INPPL1: variants seen among roughly 807,000 people sequenced by gnomAD.
INPPL1 encodes inositol polyphosphate phosphatase like 1.
Under a neutral mutation model 139.3 loss-of-function variants are expected in INPPL1, and 91 were observed. That is an observed-to-expected ratio of 0.65 (90% CI 0.55 to 0.78). The LOEUF (loss-of-function observed/expected upper bound fraction) is 0.78, where lower values mean the gene tolerates loss of function less well. INPPL1 is among the 30% of genes least tolerant of loss of function. INPPL1 has a pLI of 0.00. For missense variants in INPPL1, 1,411 were observed against 1,665.6 expected, an observed-to-expected ratio of 0.85 and a Z score of 2.66; for synonymous variants, 719 against 686.6, an observed-to-expected ratio of 1.05 and a Z score of -0.74.
chr11:72,228,043 A>G lies in INPPL1; in HGVS notation c.183-147A>G. The G allele has an allele frequency of 1.3e-6, 1 of 755,076 alleles. No individual in the cohort carries two copies. The highest frequency in any genetic ancestry group is 2.3e-6 in the Non-Finnish European group (1 of 437,118). 46.8% of individuals were successfully genotyped at this position (755,076 alleles called of 1,614,324 possible). ...AGGGTGGAAGTGGACCGGCCACATC[A>G]TTAACCCTGTGCAGCCTGGGCAGGT... On this transcript the variant is annotated intron_variant, in intron 1 of 27. Transcript: ENST00000298229. The surrounding 1 kb of genome is among the most constrained non-coding windows in gnomAD (Gnocchi z 5.0).
Position 72,233,062 on chromosome 11 carries a change from C to T in INPPL1, c.1952-13C>T, listed in dbSNP as rs766805069. The stretch of plus-strand genomic sequence containing the variant: ...CAGGGCCCTGAACCCCACCTGTCTC[C>T]TGCTTTCCTTAGGTGAGGAGGAGAT... On this transcript the variant is annotated splice_polypyrimidine_tract_variant and intron_variant, in intron 16 of 27. Transcript: ENST00000298229. 6.2e-7 allele frequency: 1 copy of T among 1,613,724 alleles called. No homozygotes were observed. The highest frequency in any genetic ancestry group is 1.1e-5 in the South Asian group (1 of 91,070).
chr11:72,228,177 G>A lies in INPPL1; in HGVS notation c.183-13G>A. Reference sequence around the variant, plus strand: ...CCTGGGGGTGACAGATTCTGGCCCTGCCTTGGCATCAGGTATCAGAAGCAT... The same window carrying A: ...CCTGGGGGTGACAGATTCTGGCCCTACCTTGGCATCAGGTATCAGAAGCAT... On this transcript the variant is annotated splice_polypyrimidine_tract_variant and intron_variant, in intron 1 of 27. Transcript: ENST00000298229. This position sits in a 1 kb window ranked among gnomAD's most constrained non-coding sequence, Gnocchi z 5.0. 1 of 1,614,070 alleles carries A rather than the reference G, an allele frequency of 6.2e-7. No individual in the cohort carries two copies. Among genetic ancestry groups the A allele is most frequent in the Non-Finnish European group, 8.5e-7 (1 of 1,179,958 alleles).
rs933270129 is a variant in INPPL1 at position 72,235,735 on chromosome 11, G to A, written c.2720G>A (p.Arg907Gln). 40 of 1,613,998 alleles carry A rather than the reference G, an allele frequency of 2.5e-5. No individual in the cohort carries two copies. The highest frequency in any genetic ancestry group is 1.6e-4 in the Middle Eastern group (1 of 6,084). ...AAGAGCAAAGCCCCCTCTGTGTCCCGAGGGAGCCAGGAGCCCAGGTGAGCT... is the reference window on the plus strand; with the variant it reads ...AAGAGCAAAGCCCCCTCTGTGTCCCAAGGGAGCCAGGAGCCCAGGTGAGCT... ...GAKSKAPSVS[R>Q]GSQEPRSGSR... Residue 907 changes from arginine to glutamine, a missense_variant, in exon 24 of 28, where the codon CGA becomes CAA. By Grantham distance (43) the Arg-to-Gln change is conservative (BLOSUM62 1). Coordinates refer to ENST00000298229, the MANE Select transcript of INPPL1 (RefSeq NM_001567.4). The surrounding 1 kb of genome is among the most constrained non-coding windows in gnomAD (Gnocchi z 4.9).
At position 72,226,847 on chromosome 11, in the gene INPPL1, A is replaced by G. The variant is rs1287500823; in HGVS notation, c.183-1343A>G. Among the ~76,000 whole-genome samples the G allele has an allele frequency of 7.3e-4, 110 of 151,722 alleles. 1 individual carries two copies. Among genetic ancestry groups the G allele is most frequent in the Non-Finnish European group, 8.8e-5 (6 of 67,912 alleles). ...GGGTCAGCTGTTGAGTGGGAGGGGG[A>G]CAGCTGGGGCCTGTGTCTGGGTGAG... On this transcript the variant is annotated intron_variant, in intron 1 of 27. Coordinates refer to ENST00000298229, the MANE Select transcript of INPPL1 (RefSeq NM_001567.4).
intron 13 of INPPL1, among the ~76,000 whole-genome samples, chr11:72,231,894 A>G (rs1410018880): frequency 6.6e-6 from 1 of 152,178 alleles, no homozygotes; most frequent in Admixed American, 6.5e-5. Flanking sequence ...TGGTGGAGCC[A>G]GGCATTGTGC....
rs369072158 is a variant in INPPL1 at position 72,232,343 on chromosome 11, G to C, written c.1712+7G>C. 5.3e-5 allele frequency: 82 copies of C among 1,550,332 alleles called. No individual in the cohort carries two copies. The highest frequency in any genetic ancestry group is 6.5e-5 in the Non-Finnish European group (74 of 1,145,978). ...GAAATGAGAAGACGGCTCGGTGAGGGGGCGCCTTTCCCATGGTCTCTTTAC... is the reference window on the plus strand; with the variant it reads ...GAAATGAGAAGACGGCTCGGTGAGGCGGCGCCTTTCCCATGGTCTCTTTAC... On this transcript the variant is annotated splice_region_variant and intron_variant, in intron 14 of 27. Transcript: ENST00000298229.
Position 72,236,015 on chromosome 11 carries a change from C to G in INPPL1, c.2879+29C>G, listed in dbSNP as rs199581928. 119 of 1,293,390 alleles carry G rather than the reference C, an allele frequency of 9.2e-5. No individual in the cohort carries two copies. The Admixed American group carries it at 1.4e-3, about 15-fold the overall frequency. The allele number at this position is 1,293,390 out of a possible 1,614,324, so 80.1% of individuals were successfully genotyped here. Reference sequence around the variant, plus strand: ...AGAGGAGGAACCTGTCACCGCCCCCCCTTCCCCCACCCACCTCTATCCATC... The same window carrying G: ...AGAGGAGGAACCTGTCACCGCCCCCGCTTCCCCCACCCACCTCTATCCATC... On this transcript the variant is annotated intron_variant, in intron 25 of 27. Coordinates refer to ENST00000298229, the MANE Select transcript of INPPL1 (RefSeq NM_001567.4).
In INPPL1 at chr11:72,234,436, G is replaced by C. The variant is rs769824512; in HGVS notation, c.2326+42G>C. 1 of 1,597,982 alleles carries C rather than the reference G, an allele frequency of 6.3e-7. No individual in the cohort carries two copies. Among genetic ancestry groups the C allele is most frequent in the Non-Finnish European group, 8.6e-7 (1 of 1,165,432 alleles). On this transcript the variant is annotated intron_variant, in intron 20 of 27. Coordinates refer to ENST00000298229, the MANE Select transcript of INPPL1 (RefSeq NM_001567.4). The surrounding 1 kb of genome is among the most constrained non-coding windows in gnomAD (Gnocchi z 4.2). ...GGGCTGGGTGTGGGCCAAGGAGGAT[G>C]GGAGGCAAGAGGGTGCAGTCAGCCC...
At chr11:72,224,023 A>T (rs1460478379), upstream of INPPL1, 2 of 152,026 alleles carry the variant, frequency 1.3e-5, no homozygotes, top group African/African-American at 4.8e-5. Context: ...CGGGCCAGGG[A>T]TCCTCCTGGC....
intron 26 of INPPL1, 85 bp downstream of exon 26, chr11:72,237,881 C>T (rs1273791625): frequency 2.7e-5 from 40 of 1,479,042 alleles, no homozygotes; most frequent in Non-Finnish European, 3.6e-5. Flanking sequence ...ATTCAGCACT[C>T]ATGGTGTCCC....
chr11:72,238,096 G>T lies in INPPL1; in HGVS notation c.3607G>T (p.Ala1203Ser). The T allele has an allele frequency of 6.3e-7, 1 of 1,582,360 alleles. No individual in the cohort carries two copies. Among genetic ancestry groups the T allele is most frequent in the Non-Finnish European group, 8.6e-7 (1 of 1,163,900 alleles). The change falls in exon 27 of 28, where the codon GCC becomes TCC. Residue 1203 changes from alanine (A) to serine (S), a missense_variant. This residue lies in a region of INPPL1 where 438 missense variants were observed against 425.7 expected (regional missense o/e 1.03). Coordinates refer to ENST00000298229, the MANE Select transcript of INPPL1 (RefSeq NM_001567.4). Reference protein sequence around the residue: ...ASGLGEAGMSAWLRAIGLERY... With the variant: ...ASGLGEAGMSSWLRAIGLERY... ...CGGGCTGGGCGAGGCAGGCATGAGT[G>T]CCTGGCTGCGGGCCATCGGCTTGGA...
In INPPL1 at chr11:72,238,926, G is replaced by T. The variant is rs1949079481; in HGVS notation, c.*573G>T. The T allele has an allele frequency of 6.5e-6, 1 of 152,722 alleles. No individual in the cohort carries two copies. Among genetic ancestry groups the T allele is most frequent in the Admixed American group, 6.5e-5 (1 of 15,280 alleles). The allele number at this position is 152,722 out of a possible 1,614,324, so 9.5% of individuals were successfully genotyped here. On this transcript the variant is annotated 3_prime_UTR_variant, in exon 28 of 28. Coordinates refer to ENST00000298229, the MANE Select transcript of INPPL1 (RefSeq NM_001567.4). The stretch of plus-strand genomic sequence containing the variant: ...GCAGGATCTCAGCCATAAAGTGCCA[G>T]TTTGCTTAGTTCTCACTGTCTCCTG...
At position 72,228,855 on chromosome 11, in the gene INPPL1, C is replaced by A. The variant is rs749317647; in HGVS notation, c.518+8C>A. On this transcript the variant is annotated splice_region_variant and intron_variant, in intron 4 of 27. Coordinates refer to ENST00000298229, the MANE Select transcript of INPPL1 (RefSeq NM_001567.4). The surrounding 1 kb of genome is among the most constrained non-coding windows in gnomAD (Gnocchi z 5.0). ...AGCTCCAGCTGCTGAGAGGTGAGAC[C>A]CCCATCCCATCCACTGAACAGGAGA... 46 of 1,582,208 alleles carry A rather than the reference C, an allele frequency of 2.9e-5. No individual in the cohort carries two copies. The highest frequency in any genetic ancestry group is 3.9e-5 in the Non-Finnish European group (46 of 1,166,398).
intron 10 of INPPL1, 155 bp from the exon 11 acceptor site, chr11:72,230,641 A>G: frequency 2.4e-6 from 2 of 839,194 alleles, no homozygotes; most frequent in Admixed American, 2.2e-5. Flanking sequence ...GGTGGATAAC[A>G]TTTGCCAGCA....
intron 26 of INPPL1, 82 bp downstream of exon 26, chr11:72,237,878 A>G (rs926364379): frequency 1.1e-5 from 17 of 1,482,648 alleles, no homozygotes; most frequent in Non-Finnish European, 1.2e-5. Context: ...ACCATTCAGC[A>G]CTCATGGTGT....
chr11:72,230,281 G>T lies in INPPL1; in HGVS notation c.1090+10G>T. The T allele has an allele frequency of 1.9e-6, 3 of 1,609,288 alleles. No homozygotes were observed. Among genetic ancestry groups the T allele is most frequent in the Non-Finnish European group, 1.7e-6 (2 of 1,177,126 alleles). On this transcript the variant is annotated intron_variant, in intron 9 of 27. Coordinates refer to ENST00000298229, the MANE Select transcript of INPPL1 (RefSeq NM_001567.4). Reference sequence around the variant, plus strand: ...TTCACGCACGACCGCAGTGAGCCAGGGCCAGACCTGGGAGGGGTGGGCAGG... The same window carrying T: ...TTCACGCACGACCGCAGTGAGCCAGTGCCAGACCTGGGAGGGGTGGGCAGG...
rs1440432630 is a variant in INPPL1, at chr11:72,238,056, G to C, written c.3567G>C (p.Gln1189His). 2.6e-6 allele frequency: 4 copies of C among 1,559,264 alleles called. No homozygotes were observed. The highest frequency in any genetic ancestry group is 2.6e-6 in the Non-Finnish European group (3 of 1,153,822). Residue 1189 changes from glutamine (Q) to histidine (H), a missense_variant, in exon 27 of 28, where the codon CAG becomes CAC. Transcript: ENST00000298229. ...EDLAEEAPCL[Q>H]GGRASGLGEA... is the part of the protein sequence containing the mutation. ...TGTTTCCTTAGGCTCCGTGCCTGCA[G>C]GGCGGGCGGGCCAGCGGGCTGGGCG...
At chr11:72,225,527 A>G in intron 1 of INPPL1, 5 of 985,204 alleles carry the variant, frequency 5.1e-6, no homozygotes, top group Non-Finnish European at 6.0e-6. Flanking sequence ...TCCCGTTTGG[A>G]TAGGGACTGA....
Position 72,228,571 on chromosome 11 carries a change from C to T in INPPL1, c.397+73C>T. 6.4e-7 allele frequency: 1 copy of T among 1,568,452 alleles called. No individual in the cohort carries two copies. Among genetic ancestry groups the T allele is most frequent in the African/African-American group, 1.3e-5 (1 of 74,416 alleles). On this transcript the variant is annotated intron_variant, in intron 3 of 27. Coordinates refer to ENST00000298229, the MANE Select transcript of INPPL1 (RefSeq NM_001567.4). This position sits in a 1 kb window ranked among gnomAD's most constrained non-coding sequence, Gnocchi z 5.0. The stretch of plus-strand genomic sequence containing the variant: ...TACCTGCCTCTTCCCATCCCCCCTT[C>T]TCAACCCCACCTCTCCTGTAACCCC...
Sources: allele counts gnomAD v4.1 joint callset (sites outside exome capture counted in the v4.1 genomes callset), GRCh38; gene constraint gnomAD v4.1.1; regional missense constraint gnomAD v4.1.1; non-coding constraint Gnocchi (gnomAD v3.1); transcripts MANE v1.5; gene names NCBI Gene and HGNC (gene_info 2026-07-23, HGNC 2026-07-21).